MAP1B: variants seen among roughly 807,000 people sequenced by gnomAD.
MAP1B encodes the protein microtubule associated protein 1B, also known as microtubule-associated protein 1B.
MAP1B carries 12 observed loss-of-function variants against 176.1 expected under a neutral mutation model. The ratio of observed to expected loss-of-function variants is 0.07; its 90% CI spans 0.04 to 0.11. The LOEUF is 0.11. Among genes scored for constraint, MAP1B ranks in the 10% least tolerant of loss-of-function variants. The pLI is 1.00. For synonymous variants in MAP1B, 1,044 were observed against 1,135.0 expected, an observed-to-expected ratio of 0.92 and a Z score of 1.61; for missense variants, 2,523 against 2,990.5, an observed-to-expected ratio of 0.84 and a Z score of 3.65.
intron 2 of MAP1B, among the ~76,000 whole-genome samples, chr5:72,116,749 A>G (rs1393359221): frequency 1.3e-5 from 2 of 152,178 alleles, no homozygotes; most frequent in East Asian, 1.9e-4. Flanking sequence ...TGAATTTTAC[A>G]TAAGAGAAAG....
intron 2 of MAP1B, among the ~76,000 whole-genome samples, chr5:72,181,477 T>C (rs1319124910): frequency 6.6e-6 from 1 of 152,218 alleles, no homozygotes; most frequent in Non-Finnish European, 1.5e-5. Flanking sequence ...AATATAACAT[T>C]TGCCGTTTTA....
At chr5:72,166,303 G>T (rs1287491152) in intron 2 of MAP1B, among the ~76,000 whole-genome samples, 3 of 152,160 alleles carry the variant, frequency 2.0e-5, no homozygotes, top group Non-Finnish European at 4.4e-5. Flanking sequence ...ATCCAGGGAG[G>T]TAAGGGCAGT....
intron 2 of MAP1B, among the ~76,000 whole-genome samples, chr5:72,121,756 G>A (rs1745533924): frequency 6.6e-6 from 1 of 152,226 alleles, no homozygotes; most frequent in Non-Finnish European, 1.5e-5. Context: ...AGTCTGTTGT[G>A]TGTAGAATTA....
Position 72,196,897 on chromosome 5 carries a change from C to T in MAP1B, c.3542C>T (p.Thr1181Ile), listed in dbSNP as rs1228447087. The T allele has an allele frequency of 1.9e-6, 3 of 1,614,210 alleles. No homozygotes were observed. The highest frequency in any genetic ancestry group is 1.1e-5 in the South Asian group (1 of 91,086). ...SQEYSKPADVTPLNGFSEGSK... is the reference protein window; with the variant it reads ...SQEYSKPADVIPLNGFSEGSK... ...GAATACTCTAAACCTGCTGATGTTA[C>T]ACCGCTCAACGGATTTTCTGAAGGA... Residue 1181 changes from threonine (T) to isoleucine (I), a missense_variant, in exon 5 of 7, where the codon ACA becomes ATA. Physicochemically the swap from Thr to Ile is moderately conservative, Grantham distance 89. Around this residue, in one of 4 missense-constraint regions of MAP1B, gnomAD observed 1,925 missense variants for 2,126.0 expected, o/e 0.91. Coordinates refer to ENST00000296755, the MANE Select transcript of MAP1B (RefSeq NM_005909.5). The surrounding 1 kb of genome is among the most constrained non-coding windows in gnomAD (Gnocchi z 5.3).
At chr5:72,113,550 C>G (rs1745380779) in intron 1 of MAP1B, among the ~76,000 whole-genome samples, 2 of 152,130 alleles carry the variant, frequency 1.3e-5, no homozygotes, top group African/African-American at 4.8e-5. Flanking sequence ...GGGAAAATGG[C>G]AAGTAACAAT....
intron 2 of MAP1B, among the ~76,000 whole-genome samples, chr5:72,121,722 TTC>T (rs1390074222): frequency 6.6e-6 from 1 of 152,252 alleles, no homozygotes; most frequent in African/African-American, 2.4e-5. Context: ...TAAGCCATCT[TTC>T]TCTGTCTAGA....
chr5:72,193,824 A>G (rs780389973), intron 4 of MAP1B, 42 bp from the exon 5 acceptor site: 1 of 1,533,108 alleles, frequency 6.5e-7, no homozygotes, highest in South Asian at 1.3e-5. Context: ...GATGATAATC[A>G]CTTACACCTT....
intron 2 of MAP1B, among the ~76,000 whole-genome samples, chr5:72,146,310 A>T (rs1171158566): frequency 6.6e-6 from 1 of 152,238 alleles, no homozygotes; most frequent in African/African-American, 2.4e-5. Context: ...AATGTCAGGC[A>T]GGCCACCTTT....
intron 2 of MAP1B, among the ~76,000 whole-genome samples, chr5:72,181,824 C>T (rs150967074): frequency 0.028 from 4,286 of 151,766 alleles, 207 homozygotes; most frequent in African/African-American, 0.098. Flanking sequence ...TGGGTTCACG[C>T]GATTCTCCTC....
At chr5:72,133,994 C>T (rs1302923630) in intron 2 of MAP1B, among the ~76,000 whole-genome samples, 1 of 152,112 alleles carries the variant, frequency 6.6e-6, no homozygotes, top group Non-Finnish European at 1.5e-5. Context: ...GTGGAAAATC[C>T]CTTCCTGCAA....
At chr5:72,139,108 A>C (rs938841302) in intron 2 of MAP1B, among the ~76,000 whole-genome samples, 2 of 152,216 alleles carry the variant, frequency 1.3e-5, no homozygotes, top group African/African-American at 4.8e-5. Context: ...GAAAGCTCTT[A>C]TGAATACTAA....
chr5:72,176,193 A>G (rs9293794), intron 2 of MAP1B, among the ~76,000 whole-genome samples: 29,302 of 151,896 alleles, frequency 0.19, 3,507 homozygotes, highest in Middle Eastern at 0.32. Flanking sequence ...TGCTGGGTCC[A>G]CACACACGTG....
intron 2 of MAP1B, among the ~76,000 whole-genome samples, chr5:72,123,642 G>A (rs1413254114): frequency 6.6e-6 from 1 of 151,916 alleles, no homozygotes; most frequent in African/African-American, 2.4e-5. Context: ...CCGCCACGAC[G>A]CCCGGCTAAT....
intron 3 of MAP1B, 31 bp downstream of exon 3, chr5:72,183,856 C>T (rs1383408103): frequency 1.0e-5 from 16 of 1,594,674 alleles, no homozygotes; most frequent in East Asian, 2.2e-5. Context: ...AATCTGGGGC[C>T]GGGCCCCACA....
At chr5:72,175,799 G>A (rs576688994) in intron 2 of MAP1B, among the ~76,000 whole-genome samples, 80 of 152,250 alleles carry the variant, frequency 5.3e-4, no homozygotes, top group African/African-American at 1.8e-3. Flanking sequence ...ACAAGGTCCA[G>A]GAAGTATAGA....
intron 2 of MAP1B, among the ~76,000 whole-genome samples, chr5:72,170,688 G>A (rs906321701): frequency 2.0e-5 from 3 of 152,110 alleles, no homozygotes; most frequent in Non-Finnish European, 4.4e-5. Context: ...AGCCAGACGC[G>A]GTTGTTCACG....
At chr5:72,146,961 C>CTT (rs549281263) in intron 2 of MAP1B, among the ~76,000 whole-genome samples, 52 of 134,906 alleles carry the variant, frequency 3.9e-4, no homozygotes, top group Admixed American at 7.5e-4. Flanking sequence ...TCCAAATCTT[C>CTT]TTTTTTTTTT....
At chr5:72,189,347 G>C (rs1172467581) in intron 4 of MAP1B, among the ~76,000 whole-genome samples, 1 of 152,160 alleles carries the variant, frequency 6.6e-6, no homozygotes, top group African/African-American at 2.4e-5. Flanking sequence ...CTCTGTGTTG[G>C]AAAGTTTTTC....
intron 2 of MAP1B, among the ~76,000 whole-genome samples, chr5:72,134,107 T>G (rs1331314908): frequency 2.0e-5 from 3 of 152,186 alleles, no homozygotes; most frequent in Non-Finnish European, 2.9e-5. Flanking sequence ...CACATGTTTG[T>G]GAGTGAGAGT....
Sources: allele counts gnomAD v4.1 joint callset (sites outside exome capture counted in the v4.1 genomes callset), GRCh38; gene constraint gnomAD v4.1.1; regional missense constraint gnomAD v4.1.1; non-coding constraint Gnocchi (gnomAD v3.1); transcripts MANE v1.5; gene names NCBI Gene and HGNC (gene_info 2026-07-23, HGNC 2026-07-21).